Variants in PPP1R21 observed in about 807,000 individuals in gnomAD.
The protein encoded by PPP1R21 is KLRAQ motif containing 1.
A neutral mutation model predicts 112.8 loss-of-function variants in PPP1R21; 85 were observed. The observed-to-expected ratio is 0.75, with a 90% confidence interval of 0.63 to 0.90. The LOEUF (loss-of-function observed/expected upper bound fraction) is 0.90. Ranked by LOEUF, PPP1R21 falls within the 40% of genes least tolerant of loss-of-function variation. PPP1R21 has a pLI of 0.00. For synonymous variants in PPP1R21, 381 were observed against 322.3 expected, an observed-to-expected ratio of 1.18 and a Z score of -1.95; for missense variants, 1,199 against 901.5, an observed-to-expected ratio of 1.33 and a Z score of -4.23.
At chr2:48,464,821 T>A in intron 7 of PPP1R21, 116 bp from the exon 8 acceptor site, 1 of 680,840 alleles carries the variant, frequency 1.5e-6, no homozygotes, top group South Asian at 1.9e-5. Flanking sequence ...TTGTTGATCA[T>A]TTTAAATTCT....
chr2:48,467,331 C>T (rs1207213659), intron 9 of PPP1R21, among the ~76,000 whole-genome samples: 3 of 152,126 alleles, frequency 2.0e-5, no homozygotes, highest in African/African-American at 4.8e-5. Flanking sequence ...TTTCATTTAA[C>T]CGAAAAGGAT....
At chr2:48,498,866 G>A (rs1669972736) in intron 17 of PPP1R21, 131 bp downstream of exon 17, 3 of 927,984 alleles carry the variant, frequency 3.2e-6, no homozygotes, top group Non-Finnish European at 4.9e-6. Context: ...TGAGCATCTT[G>A]TAAATCACAG....
chr2:48,472,099 G>T (rs1668536593), intron 11 of PPP1R21, among the ~76,000 whole-genome samples: 1 of 151,768 alleles, frequency 6.6e-6, no homozygotes. Context: ...AATTAGCCGG[G>T]CGTTGTGGTG....
intron 19 of PPP1R21, among the ~76,000 whole-genome samples, chr2:48,508,041 A>G (rs1670469774): frequency 1.3e-5 from 2 of 151,734 alleles, no homozygotes; most frequent in South Asian, 2.1e-4. Context: ...CTGGGATTAC[A>G]GGCATGAGCT....
At chr2:48,448,768 G>A (rs1273824062) in intron 1 of PPP1R21, among the ~76,000 whole-genome samples, 2 of 152,266 alleles carry the variant, frequency 1.3e-5, no homozygotes, top group Non-Finnish European at 1.5e-5. Flanking sequence ...CATTAAAGTG[G>A]TATTTCTCTC....
At chr2:48,472,920 A>T (rs1460121066) in intron 11 of PPP1R21, among the ~76,000 whole-genome samples, 1 of 148,724 alleles carries the variant, frequency 6.7e-6, no homozygotes, top group Non-Finnish European at 1.5e-5. Flanking sequence ...CCTGGGTGAT[A>T]GAGTCCCTGC....
At chr2:48,470,445 G>A (rs1055997328) in intron 9 of PPP1R21, among the ~76,000 whole-genome samples, 31 of 151,702 alleles carry the variant, frequency 2.0e-4, no homozygotes, top group Admixed American at 2.0e-4. Flanking sequence ...TTGAGAACCC[G>A]GGAGGCAGAG....
At chr2:48,488,121 A>G (rs546421932) in intron 14 of PPP1R21, among the ~76,000 whole-genome samples, 1 of 152,266 alleles carries the variant, frequency 6.6e-6, no homozygotes, top group Non-Finnish European at 1.5e-5. Context: ...CCAAAGTTGG[A>G]CTGGCTTTGT....
At position 48,478,875 on chromosome 2, in the gene PPP1R21, C is replaced by G. The variant is rs140408269; in HGVS notation, c.1226-1049C>G. 1.5e-3 allele frequency among the ~76,000 whole-genome samples: 228 copies of G among 152,320 alleles called. 1 individual carries two copies. Among genetic ancestry groups the G allele is most frequent in the Admixed American group, 2.6e-3 (40 of 15,302 alleles). On this transcript the variant is annotated intron_variant, in intron 12 of 21. Coordinates refer to ENST00000294952, the MANE Select transcript of PPP1R21 (RefSeq NM_001135629.3). ...ACTGTATTACAAATTAAGTCAGTTC[C>G]TTAAGAAGAGATTAAGAGCTCTTGT... is the stretch of plus-strand genomic sequence containing the variant.
In PPP1R21 at chr2:48,464,931, C is replaced by T. The variant is rs894204066; in HGVS notation, c.695-6C>T. ...AGACTTAATGTACATTATTTTTCTT[C>T]TGTAGAATATAGTCAGTACAACGCT... On this transcript the variant is annotated splice_polypyrimidine_tract_variant and splice_region_variant and intron_variant, in intron 7 of 21. Transcript: ENST00000294952. The T allele has an allele frequency of 3.8e-6, 6 of 1,559,776 alleles. No individual in the cohort carries two copies. The highest frequency in any genetic ancestry group is 5.2e-6 in the Non-Finnish European group (6 of 1,160,690).
intron 1 of PPP1R21, among the ~76,000 whole-genome samples, chr2:48,442,940 T>C (rs1010123280): frequency 2.0e-5 from 3 of 152,108 alleles, no homozygotes; most frequent in African/African-American, 7.2e-5. Flanking sequence ...AGGACACTGA[T>C]AACTGTGAAG....
rs1470668151 is a variant in PPP1R21, at chr2:48,479,512, G to C, written c.1226-412G>C. ...TGCAGAGGGCAAGCAGGTCCACAGA[G>C]CTCCTCACGCTGACATGGCAGAAGC... is the stretch of plus-strand genomic sequence containing the variant. On this transcript the variant is annotated intron_variant, in intron 12 of 21. Coordinates refer to ENST00000294952, the MANE Select transcript of PPP1R21 (RefSeq NM_001135629.3). 6.3e-6 allele frequency: 3 copies of C among 475,422 alleles called. No individual in the cohort carries two copies. In the East Asian group the frequency reaches 2.1e-4, roughly 33 times the overall value. 29.5% of individuals were successfully genotyped at this position (475,422 alleles called of 1,614,324 possible).
chr2:48,494,105 C>A, intron 15 of PPP1R21, among the ~76,000 whole-genome samples: 1 of 148,894 alleles, frequency 6.7e-6, no homozygotes. Context: ...TGGTGCATGC[C>A]TGTAGTCCCA....
rs149827065 is a variant in PPP1R21, at chr2:48,482,719, A to G, written c.1318+2703A>G. On this transcript the variant is annotated intron_variant, in intron 13 of 21. Coordinates refer to ENST00000294952, the MANE Select transcript of PPP1R21 (RefSeq NM_001135629.3). ...AGTCTGTAGTTGTAATTATGAAAAT[A>G]TATAGACCAACGTTTCCCAAAGTTT... Among the ~76,000 whole-genome samples, 356 of 150,220 alleles carry G rather than the reference A, an allele frequency of 2.4e-3. 1 individual carries two copies. Among genetic ancestry groups the G allele is most frequent in the Non-Finnish European group, 3.0e-3 (203 of 67,790 alleles).
chr2:48,509,954 G>A (rs935981670), intron 19 of PPP1R21, 61 bp from the exon 20 acceptor site: 18 of 1,277,204 alleles, frequency 1.4e-5, no homozygotes, highest in East Asian at 4.7e-5. Context: ...AAACTTTCCC[G>A]AAGCAAATTT....
chr2:48,475,156 C>T (rs1668694039), intron 12 of PPP1R21, among the ~76,000 whole-genome samples: 1 of 151,584 alleles, frequency 6.6e-6, no homozygotes, highest in African/African-American at 2.4e-5. Context: ...AGTTCAAGAC[C>T]ATCCTGGGCA....
At chr2:48,472,040 G>T (rs2103853360) in intron 11 of PPP1R21, among the ~76,000 whole-genome samples, 1 of 151,796 alleles carries the variant, frequency 6.6e-6, no homozygotes, top group South Asian at 2.1e-4. Flanking sequence ...AGGAGTTCGA[G>T]ACCAGCCTGG....
intron 17 of PPP1R21, among the ~76,000 whole-genome samples, chr2:48,501,005 C>T (rs181907023): frequency 1.3e-5 from 2 of 152,282 alleles, no homozygotes; most frequent in East Asian, 1.9e-4. Context: ...TGAATGGTCG[C>T]CACACTCACA....
intron 16 of PPP1R21, among the ~76,000 whole-genome samples, chr2:48,497,183 T>C (rs956832667): frequency 6.6e-6 from 1 of 152,150 alleles, no homozygotes; most frequent in African/African-American, 2.4e-5. Context: ...ACTATCTCCA[T>C]GTAGATAGTG....
Sources: gnomAD v4.1 joint callset for allele counts (sites outside exome capture counted in the v4.1 genomes callset) on GRCh38, gnomAD v4.1.1 for gene constraint, MANE v1.5 for transcripts, NCBI Gene and HGNC (gene_info 2026-07-23, HGNC 2026-07-21) for gene names.